The following SRF variants were observed in gnomAD, a reference collection of about 807,000 sequenced individuals.
The protein encoded by SRF is c-fos serum response element-binding transcription factor.
In SRF, 7 loss-of-function variants were observed where a neutral mutation model predicts 37.1. The observed-to-expected ratio is 0.19, with a 90% CI of 0.11 to 0.35. The LOEUF (loss-of-function observed/expected upper bound fraction) is 0.35, where lower values mean the gene tolerates loss of function less well. Among genes scored for constraint, SRF ranks in the 10% least tolerant of loss-of-function variants. The probability of loss-of-function intolerance (pLI) is 1.00; values close to 1 mark genes in which losing one functional copy is unlikely to be tolerated. For synonymous variants in SRF, 285 were observed against 310.1 expected, an observed-to-expected ratio of 0.92 and a Z score of 0.85; for missense variants, 395 against 694.4, an observed-to-expected ratio of 0.57 and a Z score of 4.85.
chr6:43,174,452 G>A (rs1772161507), intron 2 of SRF, among the ~76,000 whole-genome samples: 1 of 152,208 alleles, frequency 6.6e-6, no homozygotes, highest in Non-Finnish European at 1.5e-5. Context: ...GGGTCGCCAG[G>A]GAGTAGAAAG....
At position 43,172,209 on chromosome 6, in the gene SRF, G is replaced by T. The variant is rs747042101; in HGVS notation, c.513+40G>T. ...GGCTGGCCGGCCCCGGGGCCCGGTT[G>T]GGGTGGGGATGTGCAAAGGGAGCCC... On this transcript the variant is annotated intron_variant, in intron 1 of 6. Coordinates refer to ENST00000265354, the MANE Select transcript of SRF (RefSeq NM_003131.4). This position sits in a 1 kb window ranked among gnomAD's most constrained non-coding sequence, Gnocchi z 5.7. The T allele has an allele frequency of 3.1e-6, 5 of 1,588,704 alleles. No individual in the cohort carries two copies. Among genetic ancestry groups the T allele is most frequent in the Non-Finnish European group, 4.3e-6 (5 of 1,173,054 alleles).
chr6:43,171,633 G>A lies in SRF; in HGVS notation c.-24G>A. 1.7e-6 allele frequency: 2 copies of A among 1,199,476 alleles called. No homozygotes were observed. The highest frequency in any genetic ancestry group is 2.1e-6 in the Non-Finnish European group (2 of 965,646). 74.3% of individuals were successfully genotyped at this position (1,199,476 alleles called of 1,614,324 possible). On this transcript the variant is annotated 5_prime_UTR_variant, in exon 1 of 7. Coordinates refer to ENST00000265354, the MANE Select transcript of SRF (RefSeq NM_003131.4). The surrounding 1 kb of genome is among the most constrained non-coding windows in gnomAD (Gnocchi z 6.5). ...GGCTCCGATTCCTCGCTGACTGCCC[G>A]TCCGCCCTCCTGCATCGAGCGCCAT...
rs1394228832 is a variant in SRF at position 43,172,434 on chromosome 6, C to T, written c.513+265C>T. The T allele has an allele frequency of 3.0e-6, 3 of 985,148 alleles. No homozygotes were observed. Among genetic ancestry groups the T allele is most frequent in the Non-Finnish European group, 3.6e-6 (3 of 829,900 alleles). 61.0% of individuals were successfully genotyped at this position (985,148 alleles called of 1,614,324 possible). A position where few individuals can be genotyped will look rare whatever the true frequency, so the allele number is the denominator to read the frequency against. On this transcript the variant is annotated intron_variant, in intron 1 of 6. Coordinates refer to ENST00000265354, the MANE Select transcript of SRF (RefSeq NM_003131.4). The surrounding 1 kb of genome is among the most constrained non-coding windows in gnomAD (Gnocchi z 5.7). ...TGACCGGCGCCAGAGAGGAAGAGGG[C>T]CCTTGCTGAGTGAAGGGGTGAGGAG...
rs1208451809 is a variant in SRF at position 43,179,054 on chromosome 6, G to A, written c.1432-41G>A. 5.0e-6 allele frequency: 8 copies of A among 1,607,952 alleles called. No homozygotes were observed. The highest frequency in any genetic ancestry group is 6.8e-6 in the Non-Finnish European group (8 of 1,174,774). On this transcript the variant is annotated intron_variant, in intron 6 of 6. Coordinates refer to ENST00000265354, the MANE Select transcript of SRF (RefSeq NM_003131.4). This position sits in a 1 kb window ranked among gnomAD's most constrained non-coding sequence, Gnocchi z 5.3. ...GAAGCCAGGGGAGCCTGAACTGGCT[G>A]GCCAGTCCCTGCCCCTCCTCATACA... is the stretch of plus-strand genomic sequence containing the variant.
chr6:43,175,930 C>T lies in SRF; in HGVS notation c.1005C>T (p.Gly335=). 1 of 1,613,912 alleles carries T rather than the reference C, an allele frequency of 6.2e-7. No individual in the cohort carries two copies. Among genetic ancestry groups the T allele is most frequent in the Non-Finnish European group, 8.5e-7 (1 of 1,179,950 alleles). Reference sequence around the variant, plus strand: ...GCAGCGGCCCTGTCTCCTCTGGGGGCCTTATGCAGCTGCCTACCAGCTTCA... The same window carrying T: ...GCAGCGGCCCTGTCTCCTCTGGGGGTCTTATGCAGCTGCCTACCAGCTTCA... The part of the protein sequence containing the change: ...STGSGPVSSG[G]LMQLPTSFTL... Residue 335 remains glycine (G), a synonymous_variant, in exon 3 of 7, where the codon GGC becomes GGT. Coordinates refer to ENST00000265354, the MANE Select transcript of SRF (RefSeq NM_003131.4).
chr6:43,178,216 G>T lies in SRF; in HGVS notation c.1163-78G>T, dbSNP rs1258898724. 3 of 1,430,870 alleles carry T rather than the reference G, an allele frequency of 2.1e-6. No individual in the cohort carries two copies. The African/African-American group carries it at 4.2e-5, about 20-fold the overall frequency. 88.6% of individuals were successfully genotyped at this position (1,430,870 alleles called of 1,614,324 possible). On this transcript the variant is annotated intron_variant, in intron 4 of 6. Coordinates refer to ENST00000265354, the MANE Select transcript of SRF (RefSeq NM_003131.4). The surrounding 1 kb of genome is among the most constrained non-coding windows in gnomAD (Gnocchi z 4.3). ...TGGGAAATGGCAAGAGGGCTCTGGG[G>T]GCCTGGAATTCCTAGGGACGGAATG...
Position 43,178,534 on chromosome 6 carries a change from TACACACAC to T in SRF, c.1354+61_1354+68del. The stretch of plus-strand genomic sequence containing the variant: ...GAAAGGAGGACCGTTTCCTTCTTTA[TACACACAC>T]ACACACACACATACACACACATATG... On this transcript the variant is annotated intron_variant, in intron 5 of 6. Coordinates refer to ENST00000265354, the MANE Select transcript of SRF (RefSeq NM_003131.4). This position sits in a 1 kb window ranked among gnomAD's most constrained non-coding sequence, Gnocchi z 4.3. 6.6e-7 allele frequency: 1 copy of T among 1,506,694 alleles called. No individual in the cohort carries two copies. The highest frequency in any genetic ancestry group is 9.1e-7 in the Non-Finnish European group (1 of 1,101,236). The allele number at this position is 1,506,694 out of a possible 1,614,324, so 93.3% of individuals were successfully genotyped here. A position where few individuals can be genotyped will look rare whatever the true frequency, so the allele number is the denominator to read the frequency against.
At chr6:43,177,226 C>CTTTTTTTTTTTTTTTTTT (rs1562000896) in intron 4 of SRF, among the ~76,000 whole-genome samples, 1 of 109,356 alleles carries the variant, frequency 9.1e-6, no homozygotes, top group African/African-American at 5.4e-5. Context: ...GAATCGGAGT[C>CTTTTTTTTTTTTTTTTTT]TGTTTTTTTT....
Position 43,179,631 on chromosome 6 carries a change from G to T in SRF, c.*441G>T, listed in dbSNP as rs931767628. 1.5e-5 allele frequency: 3 copies of T among 202,012 alleles called. No individual in the cohort carries two copies. The highest frequency in any genetic ancestry group is 1.1e-4 in the Admixed American group (2 of 18,946). The allele number at this position is 202,012 out of a possible 1,614,324, so 12.5% of individuals were successfully genotyped here. ...CAGGTCAGCCCTGTGTCTGTCACAGGCTGGGTCAAAAGAGCCCTGGCTCTG... is the reference window on the plus strand; with the variant it reads ...CAGGTCAGCCCTGTGTCTGTCACAGTCTGGGTCAAAAGAGCCCTGGCTCTG... On this transcript the variant is annotated 3_prime_UTR_variant, in exon 7 of 7. Transcript: ENST00000265354. This position sits in a 1 kb window ranked among gnomAD's most constrained non-coding sequence, Gnocchi z 5.3.
chr6:43,175,333 G>T (rs1772176687), intron 2 of SRF, among the ~76,000 whole-genome samples: 1 of 152,172 alleles, frequency 6.6e-6, no homozygotes, highest in South Asian at 2.1e-4. Flanking sequence ...CAGCCAATGG[G>T]ATTACCACAG....
rs1239957151 is a variant in SRF, at chr6:43,175,925, G to A, written c.1000G>A (p.Gly334Arg). Residue 334 changes from glycine to arginine, a missense_variant, in exon 3 of 7, where the codon GGG becomes AGG. Transcript: ENST00000265354. ...KSTGSGPVSSGGLMQLPTSFT... is the reference protein window; with the variant it reads ...KSTGSGPVSSRGLMQLPTSFT... ...TACAGGCAGCGGCCCTGTCTCCTCT[G>A]GGGGCCTTATGCAGCTGCCTACCAG... 2 of 1,613,900 alleles carry A rather than the reference G, an allele frequency of 1.2e-6. No homozygotes were observed. The highest frequency in any genetic ancestry group is 2.7e-5 in the African/African-American group (2 of 74,926).
intron 4 of SRF, among the ~76,000 whole-genome samples, chr6:43,177,808 G>T (rs371921560): frequency 6.6e-6 from 1 of 151,256 alleles, no homozygotes; most frequent in Non-Finnish European, 1.5e-5. Flanking sequence ...CCAGCTACTC[G>T]GGAGGCTGAG....
At position 43,173,371 on chromosome 6, in the gene SRF, G is replaced by GC. The variant is rs144290293; in HGVS notation, c.514-475dup. Among the ~76,000 whole-genome samples the GC allele has an allele frequency of 2.0e-5, 3 of 152,318 alleles. No homozygotes were observed. Among genetic ancestry groups the GC allele is most frequent in the African/African-American group, 7.2e-5 (3 of 41,562 alleles). Reference sequence around the variant, plus strand: ...GGGCAAAAGGAGAAACTAGGCTGTGGCAACAAGTTGGAGCCTGTGCAGTTT... The same window carrying GC: ...GGGCAAAAGGAGAAACTAGGCTGTGGCCAACAAGTTGGAGCCTGTGCAGTTT... On this transcript the variant is annotated intron_variant, in intron 1 of 6. Transcript: ENST00000265354. The surrounding 1 kb of genome is among the most constrained non-coding windows in gnomAD (Gnocchi z 4.2).
At position 43,180,421 on chromosome 6, in the gene SRF, T is replaced by G. The variant is rs1582259164; in HGVS notation, c.*1231T>G. On this transcript the variant is annotated 3_prime_UTR_variant, in exon 7 of 7. Transcript: ENST00000265354. ...AGGGGGTGAGAGGCAGGAATGGGGG[T>G]CAGAAGAAGTGGGAGCAGCTTCTTG... 1 of 151,822 alleles carries G rather than the reference T, an allele frequency of 6.6e-6. No homozygotes were observed. Among genetic ancestry groups the G allele is most frequent in the African/African-American group, 2.4e-5 (1 of 41,128 alleles). The allele number at this position is 151,822 out of a possible 1,614,324, so 9.4% of individuals were successfully genotyped here. A position where few individuals can be genotyped will look rare whatever the true frequency, so the allele number is the denominator to read the frequency against.
Position 43,172,224 on chromosome 6 carries a change from A to C in SRF, c.513+55A>C, listed in dbSNP as rs1180241456. 1 of 1,574,140 alleles carries C rather than the reference A, an allele frequency of 6.4e-7. No homozygotes were observed. The highest frequency in any genetic ancestry group is 2.3e-5 in the East Asian group (1 of 43,680). Reference sequence around the variant, plus strand: ...GGGCCCGGTTGGGGTGGGGATGTGCAAAGGGAGCCCGGGAGGACCGCAGAG... The same window carrying C: ...GGGCCCGGTTGGGGTGGGGATGTGCCAAGGGAGCCCGGGAGGACCGCAGAG... On this transcript the variant is annotated intron_variant, in intron 1 of 6. Coordinates refer to ENST00000265354, the MANE Select transcript of SRF (RefSeq NM_003131.4). This position sits in a 1 kb window ranked among gnomAD's most constrained non-coding sequence, Gnocchi z 5.7.
At chr6:43,177,135 G>A (rs924258228) in intron 4 of SRF, among the ~76,000 whole-genome samples, 6 of 151,830 alleles carry the variant, frequency 4.0e-5, no homozygotes, top group Non-Finnish European at 7.4e-5. Flanking sequence ...TACTCAAAGT[G>A]TGGCCTATGG....
chr6:43,178,235 C>T lies in SRF; in HGVS notation c.1163-59C>T, dbSNP rs186414179. 158 of 1,493,326 alleles carry T rather than the reference C, an allele frequency of 1.1e-4. 1 individual carries two copies. The highest frequency in any genetic ancestry group is 8.9e-4 in the East Asian group (37 of 41,802). The allele number at this position is 1,493,326 out of a possible 1,614,324, so 92.5% of individuals were successfully genotyped here. The stretch of plus-strand genomic sequence containing the variant: ...TCTGGGGGCCTGGAATTCCTAGGGA[C>T]GGAATGGGAGTTATCAGTGGGGACC... On this transcript the variant is annotated intron_variant, in intron 4 of 6. Transcript: ENST00000265354. This position sits in a 1 kb window ranked among gnomAD's most constrained non-coding sequence, Gnocchi z 4.3.
rs1371829918 is a variant in SRF at position 43,180,792 on chromosome 6, G to A, written c.*1602G>A. 3 of 152,310 alleles carry A rather than the reference G, an allele frequency of 2.0e-5. No individual in the cohort carries two copies. The highest frequency in any genetic ancestry group is 4.4e-5 in the Non-Finnish European group (3 of 68,048). 9.4% of individuals were successfully genotyped at this position (152,310 alleles called of 1,614,324 possible). On this transcript the variant is annotated 3_prime_UTR_variant, in exon 7 of 7. Coordinates refer to ENST00000265354, the MANE Select transcript of SRF (RefSeq NM_003131.4). ...AGACTGCCTTCAGTAGGAACAAGCT[G>A]GCTTCTGTGATTAGGTGAAGGGATG...
rs1005921637 is a variant in SRF at position 43,180,056 on chromosome 6, C to T, written c.*866C>T. ...CCAGAACTGGCTGGGCCCCTGGGGA[C>T]AGAGCCACCCCATGAGCTCGGGGTC... On this transcript the variant is annotated 3_prime_UTR_variant, in exon 7 of 7. Coordinates refer to ENST00000265354, the MANE Select transcript of SRF (RefSeq NM_003131.4). 2.0e-5 allele frequency: 3 copies of T among 152,290 alleles called. No individual in the cohort carries two copies. The highest frequency in any genetic ancestry group is 6.5e-5 in the Admixed American group (1 of 15,300). The allele number at this position is 152,290 out of a possible 1,614,324, so 9.4% of individuals were successfully genotyped here. A position where few individuals can be genotyped will look rare whatever the true frequency, so the allele number is the denominator to read the frequency against.
Sources: gnomAD v4.1 joint callset for allele counts (sites outside exome capture counted in the v4.1 genomes callset) on GRCh38, gnomAD v4.1.1 for gene constraint, Gnocchi (gnomAD v3.1) non-coding constraint, MANE v1.5 for transcripts, NCBI Gene and HGNC (gene_info 2026-07-23, HGNC 2026-07-21) for gene names.